Variants in PCDHA10 observed in about 807,000 individuals in gnomAD.
The protein encoded by PCDHA10 is protocadherin alpha-10.
A neutral mutation model predicts 61.2 loss-of-function variants in PCDHA10; 45 were observed. The ratio of observed to expected loss-of-function variants is 0.74; its 90% CI spans 0.58 to 0.94. The LOEUF is 0.94. PCDHA10 is among the 40% of genes least tolerant of loss of function. The probability of loss-of-function intolerance (pLI) is 0.00; values close to 1 mark genes in which losing one functional copy is unlikely to be tolerated. For missense variants in PCDHA10, 1,278 were observed against 1,236.2 expected, an observed-to-expected ratio of 1.03 and a Z score of -0.51; for synonymous variants, 602 against 548.8, an observed-to-expected ratio of 1.10 and a Z score of -1.35.
intron 1 of PCDHA10, among the ~76,000 whole-genome samples, chr5:140,936,534 T>C (rs1327354780): frequency 1.3e-5 from 2 of 152,230 alleles, no homozygotes; most frequent in African/African-American, 2.4e-5. Context: ...TGCTTTTGAA[T>C]ATAGTGCAAT....
chr5:140,928,889 A>T, intron 1 of PCDHA10: 2 of 1,614,118 alleles, frequency 1.2e-6, no homozygotes, highest in Non-Finnish European at 1.7e-6. Flanking sequence ...TTACTTCCAG[A>T]CTTTGAAGAT....
At chr5:140,927,478 C>A (rs959432734) in intron 1 of PCDHA10, 1 of 1,614,062 alleles carries the variant, frequency 6.2e-7, no homozygotes, top group Non-Finnish European at 8.5e-7. Context: ...TCGCGAACAG[C>A]GCGCCACCCA....
intron 1 of PCDHA10, among the ~76,000 whole-genome samples, chr5:140,874,119 GTTTA>G (rs1582151784): frequency 6.6e-6 from 1 of 152,064 alleles, no homozygotes; most frequent in Non-Finnish European, 1.5e-5. Flanking sequence ...ACGTTTTATA[GTTTA>G]TTTAAGTTAT....
intron 1 of PCDHA10, among the ~76,000 whole-genome samples, chr5:140,973,515 T>G (rs1008643152): frequency 1.4e-4 from 21 of 152,232 alleles, no homozygotes; most frequent in African/African-American, 4.8e-4. Flanking sequence ...AAAAGTTTAT[T>G]TTCTTTGGTC....
chr5:140,949,172 A>G (rs574592967), intron 1 of PCDHA10, among the ~76,000 whole-genome samples: 3 of 151,856 alleles, frequency 2.0e-5, no homozygotes, highest in African/African-American at 7.2e-5. Context: ...TCTTTTGGTC[A>G]GAGAACATAC....
At position 140,983,206 on chromosome 5, in the gene PCDHA10, C is replaced by G. The variant is rs184479967; in HGVS notation, c.2536+643C>G. 1.8e-3 allele frequency among the ~76,000 whole-genome samples: 271 copies of G among 152,316 alleles called. 2 individuals are homozygous for G. Among genetic ancestry groups the G allele is most frequent in the South Asian group, 2.5e-3 (12 of 4,822 alleles). On this transcript the variant is annotated intron_variant, in intron 3 of 3. Transcript: ENST00000307360. ...TCTTAGTTTAGAGGGATAATAGGGA[C>G]TATTTCCTAATCCAAACTTTCAGGA...
intron 1 of PCDHA10, among the ~76,000 whole-genome samples, chr5:140,879,038 AAGAT>A (rs2057824267): frequency 6.6e-6 from 1 of 152,380 alleles, no homozygotes; most frequent in Admixed American, 6.5e-5. Flanking sequence ...AGTGTCTTGA[AAGAT>A]AGACAACATT....
intron 1 of PCDHA10, among the ~76,000 whole-genome samples, chr5:140,904,121 T>G (rs1554191284): frequency 6.6e-6 from 1 of 152,194 alleles, no homozygotes; most frequent in Non-Finnish European, 1.5e-5. Flanking sequence ...GAGATTTTGG[T>G]GCACCCATCA....
At chr5:140,875,941 G>A in intron 1 of PCDHA10, 3 of 1,614,160 alleles carry the variant, frequency 1.9e-6, no homozygotes, top group East Asian at 4.5e-5. Context: ...TCTAGAGGGC[G>A]CTTCTGATGC....
intron 1 of PCDHA10, chr5:140,865,380 G>C (rs1429077853): frequency 6.6e-6 from 1 of 152,142 alleles, no homozygotes; most frequent in Non-Finnish European, 1.5e-5. Context: ...TTATAGGTAG[G>C]GTAAAGTTAA....
chr5:140,865,725 A>T (rs1326307411), intron 1 of PCDHA10: 1 of 152,210 alleles, frequency 6.6e-6, no homozygotes, highest in Non-Finnish European at 1.5e-5. Context: ...AGAAGCTGAG[A>T]TGTGTATCTA....
In PCDHA10 at chr5:140,876,716, G is replaced by T. The variant is rs374218090; in HGVS notation, c.2388+18280G>T. The T allele has an allele frequency of 9.3e-6, 15 of 1,614,132 alleles. No individual in the cohort carries two copies. The African/African-American group carries it at 1.2e-4, about 13-fold the overall frequency. ...TTGGTGCTGGACAGCGCCCTGGACC[G>T]CGAGAGCGTGTCGGCCTATGAGCTG... On this transcript the variant is annotated intron_variant, in intron 1 of 3. Coordinates refer to ENST00000307360, the MANE Select transcript of PCDHA10 (RefSeq NM_018901.4).
At chr5:140,909,574 T>G (rs1363183074) in intron 1 of PCDHA10, among the ~76,000 whole-genome samples, 1 of 152,134 alleles carries the variant, frequency 6.6e-6, no homozygotes, top group Non-Finnish European at 1.5e-5. Flanking sequence ...TCCAGAGATG[T>G]GATATGTTTT....
intron 1 of PCDHA10, among the ~76,000 whole-genome samples, chr5:140,899,014 T>C (rs2067098044): frequency 6.6e-6 from 1 of 151,934 alleles, no homozygotes. Context: ...TGTATAAGAA[T>C]GCTTGTGATT....
At chr5:140,870,370 GT>G in intron 1 of PCDHA10, 1 of 1,614,208 alleles carries the variant, frequency 6.2e-7, no homozygotes. Context: ...CTATGAACTG[GT>G]GGTGACTGCG....
intron 1 of PCDHA10, among the ~76,000 whole-genome samples, chr5:140,892,931 G>A (rs77081198): frequency 0.011 from 1,609 of 152,196 alleles, 17 homozygotes; most frequent in African/African-American, 0.028. Flanking sequence ...CCCAGCCTCT[G>A]ATAAGCACAA....
intron 1 of PCDHA10, among the ~76,000 whole-genome samples, chr5:140,961,071 G>GT (rs2095588240): frequency 6.6e-6 from 1 of 152,208 alleles, no homozygotes; most frequent in African/African-American, 2.4e-5. Flanking sequence ...GATATCTGGA[G>GT]TATCAAGTAA....
chr5:140,873,537 A>G, intron 1 of PCDHA10, among the ~76,000 whole-genome samples: 1 of 152,274 alleles, frequency 6.6e-6, no homozygotes, highest in Admixed American at 6.5e-5. Flanking sequence ...TCTATGGTAT[A>G]AAATTATAAT....
At chr5:140,941,651 T>C (rs2093139674) in intron 1 of PCDHA10, among the ~76,000 whole-genome samples, 3 of 152,120 alleles carry the variant, frequency 2.0e-5, no homozygotes, top group Admixed American at 6.6e-5. Context: ...CTACAACTTA[T>C]GTCCAATTTT....
Sources: allele counts gnomAD v4.1 joint callset (sites outside exome capture counted in the v4.1 genomes callset), GRCh38; gene constraint gnomAD v4.1.1; transcripts MANE v1.5; gene names NCBI Gene and HGNC (gene_info 2026-07-23, HGNC 2026-07-21).